The following NELL1 variants were observed in gnomAD, a reference collection of about 807,000 sequenced individuals.
The protein encoded by NELL1 is protein kinase C-binding protein NELL1.
NELL1 carries 76 observed loss-of-function variants against 107.4 expected under a neutral mutation model. The ratio of observed to expected loss-of-function variants is 0.71; its 90% CI spans 0.59 to 0.86. The LOEUF is 0.86. NELL1 is among the 40% of genes least tolerant of loss of function. NELL1 has a pLI of 0.00. For synonymous variants in NELL1, 353 were observed against 341.2 expected, an observed-to-expected ratio of 1.03 and a Z score of -0.38; for missense variants, 1,024 against 1,005.5, an observed-to-expected ratio of 1.02 and a Z score of -0.25.
chr11:20,927,156 A>G (rs1850514513), intron 7 of NELL1, 152 bp from the exon 8 acceptor site: 1 of 665,798 alleles, frequency 1.5e-6, no homozygotes, highest in Non-Finnish European at 2.4e-6. Context: ...AAAAAAATAA[A>G]AAAAACAAAA....
intron 2 of NELL1, among the ~76,000 whole-genome samples, chr11:20,738,715 T>A (rs1488351859): frequency 1.3e-5 from 2 of 152,178 alleles, no homozygotes; most frequent in Non-Finnish European, 1.5e-5. Context: ...AAATATCTAT[T>A]TCCCAGGGTA....
chr11:21,350,136 A>T (rs1390240115), intron 14 of NELL1, among the ~76,000 whole-genome samples: 1 of 152,106 alleles, frequency 6.6e-6, no homozygotes, highest in African/African-American at 2.4e-5. Flanking sequence ...TTTTTGGATG[A>T]TATTTTGATT....
chr11:21,091,934 A>G (rs1450289852), intron 12 of NELL1, among the ~76,000 whole-genome samples: 1 of 152,178 alleles, frequency 6.6e-6, no homozygotes, highest in Non-Finnish European at 1.5e-5. Flanking sequence ...TAGTGTAAGG[A>G]TGGAGGATGG....
intron 9 of NELL1, among the ~76,000 whole-genome samples, chr11:20,934,972 C>T (rs144127439): frequency 1.1e-3 from 171 of 152,272 alleles, no homozygotes; most frequent in African/African-American, 4.0e-3. Flanking sequence ...GTCTCTACTT[C>T]TAATGTTTGA....
chr11:21,098,680 G>C (rs1854716312), intron 12 of NELL1, among the ~76,000 whole-genome samples: 1 of 152,196 alleles, frequency 6.6e-6, no homozygotes, highest in Admixed American at 6.5e-5. Flanking sequence ...TCACAGGTGT[G>C]TGAGGAAGAA....
At chr11:21,019,432 C>G (rs1382708463) in intron 12 of NELL1, among the ~76,000 whole-genome samples, 1 of 152,058 alleles carries the variant, frequency 6.6e-6, no homozygotes, top group East Asian at 1.9e-4. Flanking sequence ...ATGGTATACT[C>G]TGATGGTAGA....
chr11:21,176,474 C>G (rs1856714798), intron 13 of NELL1, among the ~76,000 whole-genome samples: 2 of 151,852 alleles, frequency 1.3e-5, no homozygotes, highest in African/African-American at 4.9e-5. Context: ...TGAGCCCAGT[C>G]TGGCCCACCT....
chr11:20,940,498 C>G (rs1395583848), intron 10 of NELL1, among the ~76,000 whole-genome samples: 1 of 152,110 alleles, frequency 6.6e-6, no homozygotes, highest in Non-Finnish European at 1.5e-5. Flanking sequence ...ATCCACCTGC[C>G]TCGGCCTCCC....
intron 15 of NELL1, among the ~76,000 whole-genome samples, chr11:21,413,092 C>T (rs1852420027): frequency 6.6e-6 from 1 of 152,054 alleles, no homozygotes; most frequent in Non-Finnish European, 1.5e-5. Context: ...CTTTATTAAA[C>T]AACAACAACA....
At chr11:21,228,009 A>G (rs1479088168) in intron 13 of NELL1, among the ~76,000 whole-genome samples, 1 of 152,198 alleles carries the variant, frequency 6.6e-6, no homozygotes, top group African/African-American at 2.4e-5. Flanking sequence ...TTAACAAACT[A>G]TATTGAATTT....
At chr11:21,190,452 G>A (rs890634373) in intron 13 of NELL1, among the ~76,000 whole-genome samples, 1 of 151,872 alleles carries the variant, frequency 6.6e-6, no homozygotes, top group Non-Finnish European at 1.5e-5. Context: ...AGACACTGGT[G>A]TCCCCTCATA....
At chr11:21,407,620 C>G (rs1852266986) in intron 15 of NELL1, among the ~76,000 whole-genome samples, 1 of 151,170 alleles carries the variant, frequency 6.6e-6, no homozygotes, top group Non-Finnish European at 1.5e-5. Context: ...CAATGTCTCT[C>G]TATTACCTAC....
chr11:21,417,337 G>C (rs1313050710), intron 15 of NELL1, among the ~76,000 whole-genome samples: 1 of 151,814 alleles, frequency 6.6e-6, no homozygotes, highest in Non-Finnish European at 1.5e-5. Flanking sequence ...CTTTTTGGTG[G>C]TATTTACTCA....
chr11:21,406,670 T>C (rs1285766309), intron 15 of NELL1, among the ~76,000 whole-genome samples: 3 of 151,996 alleles, frequency 2.0e-5, no homozygotes, highest in Admixed American at 6.6e-5. Flanking sequence ...TCATTCAGGC[T>C]CAAAAGCTGA....
At chr11:21,029,457 C>T (rs1852899294) in intron 12 of NELL1, among the ~76,000 whole-genome samples, 1 of 151,956 alleles carries the variant, frequency 6.6e-6, no homozygotes, top group South Asian at 2.1e-4. Context: ...TCAACATCTC[C>T]TCCTCTCCCT....
At chr11:21,469,792 G>A (rs894513161) in intron 15 of NELL1, among the ~76,000 whole-genome samples, 27 of 152,046 alleles carry the variant, frequency 1.8e-4, no homozygotes, top group Admixed American at 7.2e-4. Context: ...CTATGGAGTC[G>A]AGGGTGGTGG....
chr11:20,695,608 T>G (rs1404853370), intron 2 of NELL1, among the ~76,000 whole-genome samples: 1 of 152,042 alleles, frequency 6.6e-6, no homozygotes, highest in Non-Finnish European at 1.5e-5. Context: ...GATTTGTGTA[T>G]GTTGATTACA....
chr11:21,122,294 A>G (rs942213181), intron 13 of NELL1, among the ~76,000 whole-genome samples: 1 of 152,184 alleles, frequency 6.6e-6, no homozygotes, highest in Non-Finnish European at 1.5e-5. Flanking sequence ...AGGCTTTCTC[A>G]TAAAGGAGTT....
At chr11:21,289,655 A>G (rs1849206172) in intron 14 of NELL1, among the ~76,000 whole-genome samples, 1 of 152,172 alleles carries the variant, frequency 6.6e-6, no homozygotes, top group South Asian at 2.1e-4. Context: ...AATGCCAGCA[A>G]GACAGAACCA....
Sources: allele counts gnomAD v4.1 joint callset (sites outside exome capture counted in the v4.1 genomes callset), GRCh38; gene constraint gnomAD v4.1.1; transcripts MANE v1.5; gene names NCBI Gene and HGNC (gene_info 2026-07-23, HGNC 2026-07-21).